Variants in RERG observed in about 807,000 individuals in gnomAD.
RERG encodes the protein RAS like estrogen regulated growth inhibitor.
In RERG, 25 loss-of-function variants were observed where a neutral mutation model predicts 23.2. That is an observed-to-expected ratio of 1.08 (90% CI 0.79 to 1.50). The LOEUF (loss-of-function observed/expected upper bound fraction) is 1.50. Ranked by LOEUF, RERG falls within the 40% of genes most tolerant of loss-of-function variation. The probability of loss-of-function intolerance (pLI) is 0.00; values close to 1 mark genes in which losing one functional copy is unlikely to be tolerated. For missense variants in RERG, 253 were observed against 250.1 expected (o/e 1.01, Z -0.08); for synonymous variants, 81 against 89.1 (o/e 0.91, Z 0.51).
At chr12:15,170,802 T>C (rs1864767442) in intron 2 of RERG, among the ~76,000 whole-genome samples, 1 of 152,200 alleles carries the variant, frequency 6.6e-6, no homozygotes, top group African/African-American at 2.4e-5. Flanking sequence ...AAAATCACCC[T>C]AAACAACCAC....
rs549518152 is a variant in RERG, at chr12:15,122,474, G to C, written c.62-1355C>G. The stretch of plus-strand genomic sequence containing the variant: ...GCACAACGTGGCTTCTTGACCAGGG[G>C]CCGGAGATGGAAACTACCAATGTTC... On this transcript the variant is annotated intron_variant, in intron 2 of 4. Coordinates refer to ENST00000256953, the MANE Select transcript of RERG (RefSeq NM_032918.3). Among the ~76,000 whole-genome samples the C allele has an allele frequency of 5.9e-5, 9 of 152,238 alleles. No homozygotes were observed. In the East Asian group the frequency reaches 1.5e-3, roughly 26 times the overall value.
intron 2 of RERG, among the ~76,000 whole-genome samples, chr12:15,199,903 C>G (rs1364687211): frequency 6.6e-6 from 1 of 151,992 alleles, no homozygotes; most frequent in African/African-American, 2.4e-5. Context: ...ATTTGCTCCT[C>G]TATAAAATGA....
chr12:15,125,911 T>G (rs960827861), intron 2 of RERG, among the ~76,000 whole-genome samples: 3 of 151,622 alleles, frequency 2.0e-5, no homozygotes, highest in Non-Finnish European at 4.4e-5. Flanking sequence ...TGGATACGGA[T>G]ATGAATACAA....
chr12:15,159,263 G>T (rs1347711051), intron 2 of RERG, among the ~76,000 whole-genome samples: 1 of 152,088 alleles, frequency 6.6e-6, no homozygotes, highest in Admixed American at 6.5e-5. Context: ...TTTCAAGCTG[G>T]TTCTTGTGTC....
chr12:15,111,441 A>G, intron 3 of RERG, 24 bp from the exon 4 acceptor site: 1 of 1,559,540 alleles, frequency 6.4e-7, no homozygotes, highest in Non-Finnish European at 8.8e-7. Context: ...CAAATAAAAA[A>G]GACAAAAAGA....
chr12:15,135,976 A>G (rs1304735892), intron 2 of RERG, among the ~76,000 whole-genome samples: 1 of 152,084 alleles, frequency 6.6e-6, no homozygotes, highest in African/African-American at 2.4e-5. Context: ...AGAGAGTTCT[A>G]AGATTTTTTG....
At chr12:15,215,589 G>A (rs184575109) in intron 2 of RERG, among the ~76,000 whole-genome samples, 40 of 152,260 alleles carry the variant, frequency 2.6e-4, no homozygotes, top group Non-Finnish European at 5.0e-4. Flanking sequence ...CAGTAGCATG[G>A]TTGTAACAGA....
At chr12:15,160,731 C>T (rs538273189) in intron 2 of RERG, among the ~76,000 whole-genome samples, 2 of 152,222 alleles carry the variant, frequency 1.3e-5, no homozygotes, top group East Asian at 1.9e-4. Context: ...TAACGCAGCC[C>T]CACAGCTTGG....
chr12:15,197,927 G>T (rs1042596892), intron 2 of RERG, among the ~76,000 whole-genome samples: 1 of 152,126 alleles, frequency 6.6e-6, no homozygotes, highest in Non-Finnish European at 1.5e-5. Context: ...TGCCCAAGGA[G>T]ACTGGCTCTT....
chr12:15,158,448 AT>A (rs1252893121), intron 2 of RERG, among the ~76,000 whole-genome samples: 3 of 151,778 alleles, frequency 2.0e-5, no homozygotes, highest in Non-Finnish European at 2.9e-5. Flanking sequence ...CACCTGGCTA[AT>A]TTTTGCATTT....
intron 2 of RERG, among the ~76,000 whole-genome samples, chr12:15,133,725 G>GTTTTT (rs549271423): frequency 1.5e-5 from 2 of 135,042 alleles, no homozygotes; most frequent in Non-Finnish European, 1.6e-5. Flanking sequence ...TGACTGAGAG[G>GTTTTT]TTTTTTTTTT....
chr12:15,204,955 A>T (rs746041771), intron 2 of RERG, among the ~76,000 whole-genome samples: 1 of 151,898 alleles, frequency 6.6e-6, no homozygotes, highest in Non-Finnish European at 1.5e-5. Flanking sequence ...TAGGATCTGT[A>T]GCTTAATTGT....
rs1430360827 is a variant in RERG at position 15,109,374 on chromosome 12, A to C, written c.336T>G (p.Thr112=). The change falls in exon 5 of 5, where the codon ACT becomes ACG. Residue 112 remains threonine (T), a synonymous_variant. Coordinates refer to ENST00000256953, the MANE Select transcript of RERG (RefSeq NM_032918.3). ...CAGCTTTGTTTCCAACCAAGATGAGAGTCACATTCTTGGGCTTTTTGATCT... is the reference window on the plus strand; with the variant it reads ...CAGCTTTGTTTCCAACCAAGATGAGCGTCACATTCTTGGGCTTTTTGATCT... The part of the protein sequence containing the change: ...LDEIKKPKNV[T]LILVGNKADL... The C allele has an allele frequency of 6.2e-7, 1 of 1,613,940 alleles. No homozygotes were observed. Among genetic ancestry groups the C allele is most frequent in the Non-Finnish European group, 8.5e-7 (1 of 1,180,020 alleles).
chr12:15,121,053 T>C lies in RERG; in HGVS notation c.118+10A>G. 1 of 1,604,504 alleles carries C rather than the reference T, an allele frequency of 6.2e-7. No homozygotes were observed. The highest frequency in any genetic ancestry group is 8.5e-7 in the Non-Finnish European group (1 of 1,171,602). ...TATTGAAGAGGAGAAGGAAACAAAA[T>C]TTGACCTACCGAGGGTGGGATCATA... On this transcript the variant is annotated intron_variant, in intron 3 of 4. Transcript: ENST00000256953.
chr12:15,217,106 T>C, intron 2 of RERG: 1 of 228,298 alleles, frequency 4.4e-6, no homozygotes, highest in East Asian at 1.0e-4. Context: ...ATCTCATACA[T>C]AGAGAAAAGA....
chr12:15,154,802 G>A (rs935313281), intron 2 of RERG, among the ~76,000 whole-genome samples: 1 of 151,952 alleles, frequency 6.6e-6, no homozygotes, highest in Admixed American at 6.6e-5. Flanking sequence ...AGACTATTAT[G>A]TAAACAGAAT....
intron 2 of RERG, among the ~76,000 whole-genome samples, chr12:15,203,949 G>A (rs1444506938): frequency 1.3e-5 from 2 of 151,534 alleles, no homozygotes; most frequent in Non-Finnish European, 3.0e-5. Context: ...AAGACATTTT[G>A]TGTTAATGAA....
At chr12:15,138,920 C>T (rs979551508) in intron 2 of RERG, among the ~76,000 whole-genome samples, 7 of 150,358 alleles carry the variant, frequency 4.7e-5, no homozygotes, top group African/African-American at 1.7e-4. Flanking sequence ...TTCTCCTATA[C>T]TATAATCTAG....
Position 15,174,119 on chromosome 12 carries a change from T to A in RERG, c.61+43310A>T, listed in dbSNP as rs536682141. ...TAAGGCAGTCTTGATAGAGACAAATTCTCTCAGTTTCTGTTTGTCTGGTAG... is the reference window on the plus strand; with the variant it reads ...TAAGGCAGTCTTGATAGAGACAAATACTCTCAGTTTCTGTTTGTCTGGTAG... On this transcript the variant is annotated intron_variant, in intron 2 of 4. Transcript: ENST00000256953. Among the ~76,000 whole-genome samples, 9 of 152,178 alleles carry A rather than the reference T, an allele frequency of 5.9e-5. No individual in the cohort carries two copies. In the South Asian group the frequency reaches 1.4e-3, roughly 25 times the overall value.
Sources: gnomAD v4.1 joint callset for allele counts (sites outside exome capture counted in the v4.1 genomes callset) on GRCh38, gnomAD v4.1.1 for gene constraint, MANE v1.5 for transcripts, NCBI Gene and HGNC (gene_info 2026-07-23, HGNC 2026-07-21) for gene names.